Variants in OGDHL observed in about 807,000 individuals in gnomAD.
The protein encoded by OGDHL is oxoglutarate dehydrogenase L, also known as 2-oxoglutarate dehydrogenase-like, mitochondrial.
Under a neutral mutation model 109.6 loss-of-function variants are expected in OGDHL, and 79 were observed. The ratio of observed to expected loss-of-function variants is 0.72; its 90% CI spans 0.60 to 0.87. OGDHL has a LOEUF of 0.87. Among genes scored for constraint, OGDHL ranks in the 40% least tolerant of loss-of-function variants. The pLI, the probability that OGDHL is intolerant of heterozygous loss-of-function variation, is 0.00. For missense variants in OGDHL, 1,275 were observed against 1,362.2 expected, an observed-to-expected ratio of 0.94 and a Z score of 1.01; for synonymous variants, 528 against 537.2, an observed-to-expected ratio of 0.98 and a Z score of 0.24.
rs766517872 is a variant in OGDHL at position 49,749,785 on chromosome 10, G to A, written c.928C>T (p.Arg310Cys). 2.7e-5 allele frequency: 44 copies of A among 1,600,668 alleles called. 1 individual carries two copies. In the Admixed American group the frequency reaches 4.7e-4, roughly 17 times the overall value. ...CAGAAGATCTGCTCCAGGTCCTTGC[G>A]GATCACGTTGGCCAGCACGTTCAGC... is the stretch of plus-strand genomic sequence containing the variant. Reference protein sequence around the residue: ...GRLNVLANVIRKDLEQIFCQF... With the variant: ...GRLNVLANVICKDLEQIFCQF... Residue 310 changes from arginine (R) to cysteine (C), a missense_variant, in exon 8 of 23, where the codon CGC (arginine) becomes TGC (cysteine). Coordinates refer to ENST00000374103, the MANE Select transcript of OGDHL (RefSeq NM_018245.3).
At chr10:49,749,956 C>T in intron 7 of OGDHL, 140 bp from the exon 8 acceptor site, 1 of 669,964 alleles carries the variant, frequency 1.5e-6, no homozygotes, top group Non-Finnish European at 2.6e-6. Context: ...TCACCAGGCA[C>T]CATCCTCTCC....
chr10:49,745,856 A>T lies in OGDHL; in HGVS notation c.1418T>A (p.Val473Glu). 1.2e-6 allele frequency: 2 copies of T among 1,614,196 alleles called. No individual in the cohort carries two copies. Among genetic ancestry groups the T allele is most frequent in the South Asian group, 2.2e-5 (2 of 91,078 alleles). ...NADDPEAVIY[V>E]CSVAAEWRNT... ...TCTCCATTCGGCTGCCACACTGCAC[A>T]CATATATCACAGCCTCTGGGTCATC... The change falls in exon 11 of 23, where the codon GTG becomes GAG. Residue 473 changes from valine to glutamate, a missense_variant. By Grantham distance (121) the Val-to-Glu change is moderately radical. Transcript: ENST00000374103.
In OGDHL at chr10:49,745,806, C is replaced by T. The variant is rs1167099402; in HGVS notation, c.1468G>A (p.Val490Met). 6.8e-6 allele frequency: 11 copies of T among 1,613,950 alleles called. No individual in the cohort carries two copies. In the African/African-American group the frequency reaches 8.0e-5, roughly 12 times the overall value. ...TCAGTCCCCAGACCCACCAGGTCCA[C>T]GACAACATCTTTGTTGAAAGTGTTT... ...WRNTFNKDVV[V>M]DLVCYRRRGH... is the part of the protein sequence containing the mutation. The change falls in exon 11 of 23, where the codon GTG becomes ATG. Residue 490 changes from valine (V) to methionine (M), a missense_variant. Val to Met is a conservative substitution (Grantham distance 21, BLOSUM62 1). Coordinates refer to ENST00000374103, the MANE Select transcript of OGDHL (RefSeq NM_018245.3).
chr10:49,759,461 A>G lies in OGDHL; in HGVS notation c.-1-868T>C, dbSNP rs551304840. 3.9e-5 allele frequency among the ~76,000 whole-genome samples: 6 copies of G among 152,082 alleles called. No individual in the cohort carries two copies. The South Asian group carries it at 6.3e-4, about 16-fold the overall frequency. On this transcript the variant is annotated intron_variant, in intron 1 of 22. Coordinates refer to ENST00000374103, the MANE Select transcript of OGDHL (RefSeq NM_018245.3). The stretch of plus-strand genomic sequence containing the variant: ...TGTCACCTGTGCCTTCCCAGGGAAA[A>G]TATCTAAATCTTGGGCTTTCAGTGA...
In OGDHL at chr10:49,745,975, A is replaced by C. The variant is rs1352041023; in HGVS notation, c.1299T>G (p.Ile433Met). 6.2e-7 allele frequency: 1 copy of C among 1,613,670 alleles called. No homozygotes were observed. The highest frequency in any genetic ancestry group is 1.1e-5 in the South Asian group (1 of 91,062). ...CCATTCGGGGGTCTGTGGTGAATCCAATCTGCAGAGGCAGGAGAAACCTGC... is the reference window on the plus strand; with the variant it reads ...CCATTCGGGGGTCTGTGGTGAATCCCATCTGCAGAGGCAGGAGAAACCTGC... ...GTVHVVVNNQIGFTTDPRMAR... is the reference protein window; with the variant it reads ...GTVHVVVNNQMGFTTDPRMAR... The change falls in exon 11 of 23, where the codon ATT becomes ATG. Residue 433 changes from isoleucine to methionine, a missense_variant and splice_region_variant. Transcript: ENST00000374103.
At chr10:49,739,530 G>C (rs1457546000) in intron 17 of OGDHL, 131 bp downstream of exon 17, 1 of 1,132,500 alleles carries the variant, frequency 8.8e-7, no homozygotes, top group African/African-American at 1.6e-5. Context: ...ACCCCACCCT[G>C]CACAGACCCA....
chr10:49,749,892 T>C (rs1015582760), intron 7 of OGDHL, 76 bp from the exon 8 acceptor site: 1 of 1,294,492 alleles, frequency 7.7e-7, no homozygotes, highest in Non-Finnish European at 1.1e-6. Flanking sequence ...TGTGGAGGCC[T>C]GGCCTGGCCT....
intron 3 of OGDHL, among the ~76,000 whole-genome samples, chr10:49,754,774 C>CA (rs1842819517): frequency 6.6e-6 from 1 of 152,056 alleles, no homozygotes. Flanking sequence ...GAAATGACAT[C>CA]ATGAGGAAGC....
At chr10:49,758,647 G>T in intron 1 of OGDHL, 54 bp from the exon 2 acceptor site, 1 of 1,564,974 alleles carries the variant, frequency 6.4e-7, no homozygotes, top group Non-Finnish European at 8.7e-7. Context: ...GACAGGAAGA[G>T]GCTCTACCAA....
intron 6 of OGDHL, among the ~76,000 whole-genome samples, chr10:49,751,578 C>T (rs1267946899): frequency 6.6e-6 from 1 of 152,218 alleles, no homozygotes; most frequent in African/African-American, 2.4e-5. Context: ...TCTGGCCTTG[C>T]TCAGTGTCCC....
At chr10:49,743,807 G>A (rs528863733) in intron 14 of OGDHL, 187 bp downstream of exon 14, 13 of 628,156 alleles carry the variant, frequency 2.1e-5, no homozygotes, top group East Asian at 1.6e-4. Context: ...TGCCCAGCTC[G>A]CCACGCCCAC....
In OGDHL at chr10:49,744,006, T is replaced by C; in HGVS notation, c.1849A>G (p.Lys617Glu). The C allele has an allele frequency of 8.7e-6, 14 of 1,611,870 alleles. No homozygotes were observed. The highest frequency in any genetic ancestry group is 1.1e-5 in the Non-Finnish European group (13 of 1,178,918). Reference protein sequence around the residue: ...VASSVPLEDFKIHTGLSRILR... With the variant: ...VASSVPLEDFEIHTGLSRILR... ...CCAGCAACCTCACCAGTGTGGATCTTAAAGTCCTCCAGGGGCACAGAGCTG... is the reference window on the plus strand; with the variant it reads ...CCAGCAACCTCACCAGTGTGGATCTCAAAGTCCTCCAGGGGCACAGAGCTG... Residue 617 changes from lysine to glutamate, a missense_variant, in exon 14 of 23, where the codon AAG becomes GAG. Physicochemically the swap from Lys to Glu is moderately conservative, Grantham distance 56. Coordinates refer to ENST00000374103, the MANE Select transcript of OGDHL (RefSeq NM_018245.3).
At chr10:49,747,263 G>A in intron 8 of OGDHL, 55 bp from the exon 9 acceptor site, 3 of 1,579,860 alleles carry the variant, frequency 1.9e-6, no homozygotes, top group South Asian at 1.2e-5. Context: ...CAGACAGGCA[G>A]ATACACAGGC....
rs749809161 is a variant in OGDHL at position 49,750,991 on chromosome 10, T to C, written c.750-6A>G. On this transcript the variant is annotated splice_region_variant and splice_polypyrimidine_tract_variant and intron_variant, in intron 6 of 22. Transcript: ENST00000374103. Reference sequence around the variant, plus strand: ...GGGCCAGGAAGTCTTCAAACCTGCTTGGGGAGAGGATGGGAAGAGGAAAGG... The same window carrying C: ...GGGCCAGGAAGTCTTCAAACCTGCTCGGGGAGAGGATGGGAAGAGGAAAGG... 2.5e-6 allele frequency: 4 copies of C among 1,593,710 alleles called. No individual in the cohort carries two copies. In the South Asian group the frequency reaches 4.5e-5, roughly 18 times the overall value.
chr10:49,759,258 A>G (rs1283048075), intron 1 of OGDHL, among the ~76,000 whole-genome samples: 3 of 151,920 alleles, frequency 2.0e-5, no homozygotes, highest in African/African-American at 7.3e-5. Context: ...AGGCCCAACA[A>G]TAGCCCCACT....
intron 3 of OGDHL, among the ~76,000 whole-genome samples, chr10:49,754,663 GGAAGCTGATTTT>G (rs1842810988): frequency 7.5e-6 from 1 of 133,526 alleles, no homozygotes; most frequent in African/African-American, 2.8e-5. Flanking sequence ...ATCACCACCA[GGAAGCTGATTTT>G]GAAAAAAAAA....
rs760313650 is a variant in OGDHL at position 49,751,883 on chromosome 10, C to T, written c.693G>A (p.Met231Ile). 2.0e-5 allele frequency: 33 copies of T among 1,614,084 alleles called. 1 individual carries two copies. The South Asian group carries it at 3.6e-4, about 18-fold the overall frequency. The change falls in exon 6 of 23, where the codon ATG (methionine) becomes ATA (isoleucine). Residue 231 changes from methionine to isoleucine, a missense_variant. Physicochemically the swap from Met to Ile is conservative, Grantham distance 10. Transcript: ENST00000374103. ...TCCGCTTCTCCTCGCTGGAGAACTG[C>T]ATCACACCAGGGGTCTCAAACTTCT... Reference protein sequence around the residue: ...IRQKFETPGVMQFSSEEKRTL... With the variant: ...IRQKFETPGVIQFSSEEKRTL...
At position 49,747,036 on chromosome 10, in the gene OGDHL, C is replaced by T; in HGVS notation, c.1160G>A (p.Gly387Asp). 6.2e-7 allele frequency: 1 copy of T among 1,613,922 alleles called. No homozygotes were observed. The highest frequency in any genetic ancestry group is 8.5e-7 in the Non-Finnish European group (1 of 1,179,854). The change falls in exon 9 of 23, where the codon GGC (glycine) becomes GAC (aspartate). Residue 387 changes from glycine (G) to aspartate (D), a missense_variant. By Grantham distance (94) the Gly-to-Asp change is moderately conservative. Coordinates refer to ENST00000374103, the MANE Select transcript of OGDHL (RefSeq NM_018245.3). ...AEQFYRGDAQ[G>D]KKVMSILVHG... Reference sequence around the variant, plus strand: ...TCCCCCAGGTGAGCTCACCTTCTTGCCCTGGGCATCTCCACGGTAGAACTG... The same window carrying T: ...TCCCCCAGGTGAGCTCACCTTCTTGTCCTGGGCATCTCCACGGTAGAACTG...
At position 49,751,870 on chromosome 10, in the gene OGDHL, C is replaced by G; in HGVS notation, c.706G>C (p.Glu236Gln). The change falls in exon 6 of 23, where the codon GAG (glutamate) becomes CAG (glutamine). Residue 236 changes from glutamate to glutamine, a missense_variant. Coordinates refer to ENST00000374103, the MANE Select transcript of OGDHL (RefSeq NM_018245.3). ...ETPGVMQFSS[E>Q]EKRTLLARLV... Reference sequence around the variant, plus strand: ...CGGGCCAGCAGGGTCCGCTTCTCCTCGCTGGAGAACTGCATCACACCAGGG... The same window carrying G: ...CGGGCCAGCAGGGTCCGCTTCTCCTGGCTGGAGAACTGCATCACACCAGGG... 1 of 1,614,158 alleles carries G rather than the reference C, an allele frequency of 6.2e-7. No individual in the cohort carries two copies. Among genetic ancestry groups the G allele is most frequent in the Non-Finnish European group, 8.5e-7 (1 of 1,180,034 alleles).
Sources: allele counts gnomAD v4.1 joint callset (sites outside exome capture counted in the v4.1 genomes callset), GRCh38; gene constraint gnomAD v4.1.1; transcripts MANE v1.5; gene names NCBI Gene and HGNC (gene_info 2026-07-23, HGNC 2026-07-21).